Variants in MYO16 observed in about 807,000 individuals in gnomAD.
The protein encoded by MYO16 is unconventional myosin-XVI.
In MYO16, 94 loss-of-function variants were observed where a neutral mutation model predicts 205.3. The observed-to-expected ratio is 0.46, with a 90% CI of 0.39 to 0.54. The LOEUF (loss-of-function observed/expected upper bound fraction) is 0.54. Ranked by LOEUF, MYO16 falls within the 20% of genes least tolerant of loss-of-function variation. MYO16 has a pLI of 0.00. For synonymous variants in MYO16, 988 were observed against 954.0 expected (o/e 1.04, Z -0.66); for missense variants, 2,315 against 2,387.5 (o/e 0.97, Z 0.63).
At chr13:109,180,518 T>C (rs1051439077) in intron 34 of MYO16, among the ~76,000 whole-genome samples, 3 of 152,170 alleles carry the variant, frequency 2.0e-5, no homozygotes, top group African/African-American at 4.8e-5. Flanking sequence ...TACATAAAAG[T>C]CTAAAATAAC....
chr13:109,044,825 G>T (rs1016192078), intron 23 of MYO16, among the ~76,000 whole-genome samples: 1 of 152,110 alleles, frequency 6.6e-6, no homozygotes, highest in Non-Finnish European at 1.5e-5. Context: ...AAGTACCTGG[G>T]ATTACAGGCG....
chr13:108,716,272 G>C (rs939303938), intron 3 of MYO16, among the ~76,000 whole-genome samples: 2 of 152,190 alleles, frequency 1.3e-5, no homozygotes, highest in South Asian at 4.1e-4. Context: ...AGGTGACAAA[G>C]TATAAAGATT....
In MYO16 at chr13:109,143,089, G is replaced by T. The variant is rs531680742; in HGVS notation, c.5164+1713G>T. On this transcript the variant is annotated intron_variant, in intron 32 of 34. Coordinates refer to ENST00000457511, the MANE Select transcript of MYO16 (RefSeq NM_001198950.3). Reference sequence around the variant, plus strand: ...GGAGAGGTTAAATATCTTCCTTAGGGTTAAGTGGTAGGATTGGAAGTAAAC... The same window carrying T: ...GGAGAGGTTAAATATCTTCCTTAGGTTTAAGTGGTAGGATTGGAAGTAAAC... Among the ~76,000 whole-genome samples the T allele has an allele frequency of 1.3e-4, 20 of 152,162 alleles. 2 individuals carry two copies. Among genetic ancestry groups the T allele is most frequent in the African/African-American group, 4.1e-4 (17 of 41,444 alleles).
chr13:108,665,961 T>G lies in MYO16; in HGVS notation c.104T>G (p.Leu35Arg). The G allele has an allele frequency of 6.2e-7, 1 of 1,614,126 alleles. No individual in the cohort carries two copies. The highest frequency in any genetic ancestry group is 8.5e-7 in the Non-Finnish European group (1 of 1,179,986). Reference sequence around the variant, plus strand: ...CAGTGCTTGCTAGAGTCCCTTCCCCTTGGCCAACGGCAGCGTCTAGTGAAG... The same window carrying G: ...CAGTGCTTGCTAGAGTCCCTTCCCCGTGGCCAACGGCAGCGTCTAGTGAAG... ...IDQCLLESLP[L>R]GQRQRLVKRM... The change falls in exon 2 of 35, where the codon CTT (leucine) becomes CGT (arginine). Residue 35 changes from leucine to arginine, a missense_variant. Around this residue, in one of 3 missense-constraint regions of MYO16, gnomAD observed 1,213 missense variants for 1,274.4 expected, o/e 0.95. Transcript: ENST00000457511.
chr13:109,158,870 C>A (rs949022187), intron 32 of MYO16, among the ~76,000 whole-genome samples: 1 of 152,200 alleles, frequency 6.6e-6, no homozygotes, highest in Admixed American at 6.5e-5. Context: ...GTCCCTCCCT[C>A]GGCCTTGGAA....
chr13:109,016,949 A>C (rs1328146195), intron 22 of MYO16, among the ~76,000 whole-genome samples: 1 of 152,124 alleles, frequency 6.6e-6, no homozygotes, highest in Non-Finnish European at 1.5e-5. Context: ...TAATTGGGGC[A>C]TTTAGCCCAT....
intron 6 of MYO16, among the ~76,000 whole-genome samples, chr13:108,794,474 A>G (rs1886721940): frequency 6.6e-6 from 1 of 152,188 alleles, no homozygotes; most frequent in Non-Finnish European, 1.5e-5. Flanking sequence ...GTAGTTTTTG[A>G]AATGTAACTT....
chr13:108,692,614 G>A (rs1054790861), intron 2 of MYO16, among the ~76,000 whole-genome samples: 1 of 152,092 alleles, frequency 6.6e-6, no homozygotes, highest in Non-Finnish European at 1.5e-5. Context: ...CTAAGGGCCA[G>A]CATTTATCTC....
At chr13:109,121,386 G>A (rs1286982992) in intron 29 of MYO16, among the ~76,000 whole-genome samples, 1 of 152,166 alleles carries the variant, frequency 6.6e-6, no homozygotes, top group African/African-American at 2.4e-5. Flanking sequence ...TGACACAGGT[G>A]TACTATGGCG....
chr13:108,858,873 C>G (rs1878323188), intron 11 of MYO16, among the ~76,000 whole-genome samples: 1 of 152,156 alleles, frequency 6.6e-6, no homozygotes, highest in Non-Finnish European at 1.5e-5. Flanking sequence ...GCACCCTACC[C>G]TGGGTGCCTC....
chr13:109,175,042 A>G (rs1879106557), intron 33 of MYO16, among the ~76,000 whole-genome samples: 1 of 151,754 alleles, frequency 6.6e-6, no homozygotes, highest in South Asian at 2.1e-4. Context: ...GAGCCACTGC[A>G]CCCAGCCCTC....
intron 27 of MYO16, among the ~76,000 whole-genome samples, chr13:109,063,625 G>T (rs1430997412): frequency 6.6e-6 from 1 of 152,154 alleles, no homozygotes; most frequent in Non-Finnish European, 1.5e-5. Context: ...GTGAGAAATA[G>T]ATTTCTGTTT....
intron 20 of MYO16, among the ~76,000 whole-genome samples, chr13:108,965,207 A>G (rs1272343261): frequency 6.6e-6 from 1 of 152,140 alleles, no homozygotes; most frequent in Admixed American, 6.5e-5. Context: ...TAAATCTAAA[A>G]ATTTTATAAA....
chr13:108,618,588 C>T (rs1485326964), intron 1 of MYO16, among the ~76,000 whole-genome samples: 1 of 152,194 alleles, frequency 6.6e-6, no homozygotes, highest in Non-Finnish European at 1.5e-5. Flanking sequence ...TTTGCATTTT[C>T]CACACTGTGT....
intron 9 of MYO16, among the ~76,000 whole-genome samples, chr13:108,830,275 A>G (rs1305457342): frequency 8.7e-5 from 10 of 115,288 alleles, no homozygotes; most frequent in African/African-American, 3.1e-4. Context: ...TACCCAAAGG[A>G]CTATAAATCA....
the MYO16 span, among the ~76,000 whole-genome samples, chr13:108,538,729 T>C: frequency 6.6e-6 from 1 of 152,120 alleles, no homozygotes; most frequent in South Asian, 2.1e-4. Context: ...TCTTTTTATT[T>C]ATTTCTGTGT....
At chr13:109,030,368 A>G (rs1175000508) in intron 23 of MYO16, among the ~76,000 whole-genome samples, 1 of 152,140 alleles carries the variant, frequency 6.6e-6, no homozygotes, top group Non-Finnish European at 1.5e-5. Flanking sequence ...GCAAATGATC[A>G]CTTATTTATT....
chr13:108,891,584 G>A (rs1234351225), intron 14 of MYO16, among the ~76,000 whole-genome samples: 1 of 152,154 alleles, frequency 6.6e-6, no homozygotes, highest in Non-Finnish European at 1.5e-5. Flanking sequence ...CATAGGCCAT[G>A]TTACAATAGT....
At chr13:108,677,712 G>A (rs909145527) in intron 2 of MYO16, among the ~76,000 whole-genome samples, 4 of 151,990 alleles carry the variant, frequency 2.6e-5, no homozygotes, top group Non-Finnish European at 5.9e-5. Flanking sequence ...CTTCTCATAA[G>A]CCAGATGTCT....
Sources: gnomAD v4.1 joint callset for allele counts (sites outside exome capture counted in the v4.1 genomes callset) on GRCh38, gnomAD v4.1.1 for gene constraint, gnomAD v4.1.1 regional missense constraint, MANE v1.5 for transcripts, NCBI Gene and HGNC (gene_info 2026-07-23, HGNC 2026-07-21) for gene names.